Variants in GLI3 observed in about 807,000 individuals in gnomAD.
GLI3 encodes GLI family zinc finger 3, also known as transcription activator GLI3.
GLI3 carries 20 observed loss-of-function variants against 100.8 expected under a neutral mutation model. The ratio of observed to expected loss-of-function variants is 0.20; its 90% confidence interval spans 0.14 to 0.29. GLI3 has a LOEUF of 0.29. Ranked by LOEUF, GLI3 falls within the 10% of genes least tolerant of loss-of-function variation. The probability of loss-of-function intolerance (pLI) is 1.00; values close to 1 mark genes in which losing one functional copy is unlikely to be tolerated. For missense variants in GLI3, 2,040 were observed against 2,128.5 expected, an observed-to-expected ratio of 0.96 and a Z score of 0.82; for synonymous variants, 938 against 860.5, an observed-to-expected ratio of 1.09 and a Z score of -1.58.
chr7:42,087,779 C>T (rs1018639370), intron 3 of GLI3, among the ~76,000 whole-genome samples: 5 of 151,038 alleles, frequency 3.3e-5, no homozygotes, highest in Non-Finnish European at 5.9e-5. Context: ...ATTATTGTTA[C>T]GCTTTGGAAT....
rs113898315 is a variant in GLI3, at chr7:42,023,903, T to TA, written c.1357-296dup. On this transcript the variant is annotated intron_variant, in intron 9 of 14. Transcript: ENST00000395925. ...GCTGAAAATAAACCCAAATGTCATCTAAAAAAAAACCCAAAACAAAACGTA... is the reference window on the plus strand; with the variant it reads ...GCTGAAAATAAACCCAAATGTCATCTAAAAAAAAAACCCAAAACAAAACGTA... Among the ~76,000 whole-genome samples, 699 of 150,938 alleles carry TA rather than the reference T, an allele frequency of 4.6e-3. 4 individuals carry two copies. Among genetic ancestry groups the TA allele is most frequent in the Non-Finnish European group, 7.9e-3 (534 of 67,664 alleles).
chr7:42,246,805 C>CTATTTTT (rs1332970657), intron 1 of GLI3, among the ~76,000 whole-genome samples: 3 of 94,996 alleles, frequency 3.2e-5, no homozygotes, highest in African/African-American at 8.7e-5. Flanking sequence ...ATGATAGAAT[C>CTATTTTT]TTTTTTTTTT....
At position 41,972,383 on chromosome 7, in the gene GLI3, C is replaced by T. The variant is rs762948718; in HGVS notation, c.2057G>A (p.Arg686Gln). The T allele has an allele frequency of 1.9e-5, 31 of 1,613,904 alleles. No individual in the cohort carries two copies. Among genetic ancestry groups the T allele is most frequent in the East Asian group, 4.5e-5 (2 of 44,864 alleles). ...QQDLSNTTSK[R>Q]EECLQVKTVK... is the part of the protein sequence containing the mutation. ...GGTTTTCACCTGGAGGCATTCTTCC[C>T]GCTTTGAGGTAGTGTTGCTGAGGTC... Residue 686 changes from arginine to glutamine, a missense_variant, in exon 13 of 15, where the codon CGG becomes CAG. Around this residue, in one of 5 missense-constraint regions of GLI3, gnomAD observed 327 missense variants for 338.7 expected, o/e 0.97. Transcript: ENST00000395925. This position sits in a 1 kb window ranked among gnomAD's most constrained non-coding sequence, Gnocchi z 4.4.
In GLI3 at chr7:42,003,247, A is replaced by C. The variant is rs1459380066; in HGVS notation, c.1497+20221T>G. On this transcript the variant is annotated intron_variant, in intron 10 of 14. Coordinates refer to ENST00000395925, the MANE Select transcript of GLI3 (RefSeq NM_000168.6). The stretch of plus-strand genomic sequence containing the variant: ...AAAGGTAAATTAAAGTGAATGTTAT[A>C]ATCTCGAAGTGCATGTATTATTTAA... 2.0e-5 allele frequency among the ~76,000 whole-genome samples: 3 copies of C among 152,222 alleles called. No homozygotes were observed. In the East Asian group the frequency reaches 5.8e-4, roughly 29 times the overall value.
chr7:42,028,461 C>T (rs1490619074), intron 7 of GLI3, among the ~76,000 whole-genome samples: 2 of 152,236 alleles, frequency 1.3e-5, no homozygotes, highest in East Asian at 3.9e-4. Context: ...AAGGGAAGTG[C>T]ATTTTAAAAA....
At chr7:42,039,912 G>A (rs1166233411) in intron 7 of GLI3, 126 bp downstream of exon 7, 11 of 761,792 alleles carry the variant, frequency 1.4e-5, no homozygotes, top group Non-Finnish European at 2.6e-5. Flanking sequence ...TCTTGGTATA[G>A]GCACAGCATC....
chr7:42,246,185 A>G (rs966214195), intron 1 of GLI3, among the ~76,000 whole-genome samples: 1 of 152,200 alleles, frequency 6.6e-6, no homozygotes, highest in Non-Finnish European at 1.5e-5. Flanking sequence ...ACACGATAAC[A>G]TGCTGCTGTG....
At chr7:42,229,503 G>T (rs1340824158) in intron 1 of GLI3, among the ~76,000 whole-genome samples, 1 of 152,188 alleles carries the variant, frequency 6.6e-6, no homozygotes, top group East Asian at 1.9e-4. Flanking sequence ...ATTTACACCT[G>T]CCTGTATTTT....
Position 42,025,290 on chromosome 7 carries a change from G to T in GLI3, c.1330C>A (p.Pro444Thr), listed in dbSNP as rs1162546619. Reference protein sequence around the residue: ...RSKIKPDEDLPSPGARGQQEQ... With the variant: ...RSKIKPDEDLTSPGARGQQEQ... ...TGCTGCCCCCGAGCCCCTGGGCTGGGGAGGTCTTCATCGGGTTTGATCTTG... is the reference window on the plus strand; with the variant it reads ...TGCTGCCCCCGAGCCCCTGGGCTGGTGAGGTCTTCATCGGGTTTGATCTTG... The change falls in exon 9 of 15, where the codon CCC becomes ACC. Residue 444 changes from proline (P) to threonine (T), a missense_variant. By Grantham distance (38) the Pro-to-Thr change is conservative. Coordinates refer to ENST00000395925, the MANE Select transcript of GLI3 (RefSeq NM_000168.6). 7 of 1,613,768 alleles carry T rather than the reference G, an allele frequency of 4.3e-6. No individual in the cohort carries two copies. The highest frequency in any genetic ancestry group is 5.9e-6 in the Non-Finnish European group (7 of 1,179,672).
chr7:42,175,609 C>G (rs951802392), intron 2 of GLI3, among the ~76,000 whole-genome samples: 1 of 145,144 alleles, frequency 6.9e-6, no homozygotes, highest in African/African-American at 2.8e-5. Flanking sequence ...CAGAGTGAGA[C>G]TCTGTCTCCA....
chr7:42,128,070 G>A (rs899334491), intron 3 of GLI3, among the ~76,000 whole-genome samples: 3 of 150,598 alleles, frequency 2.0e-5, no homozygotes, highest in African/African-American at 2.4e-5. Context: ...TTAAAACAGG[G>A]TGCCAATCAA....
intron 5 of GLI3, 88 bp from the exon 6 acceptor site, chr7:42,045,618 C>A (rs572127208): frequency 1.2e-4 from 139 of 1,173,114 alleles, no homozygotes; most frequent in Non-Finnish European, 1.7e-4. Flanking sequence ...CATTACACAA[C>A]CCACATCAGC....
chr7:42,188,852 C>A (rs987123210), intron 2 of GLI3, among the ~76,000 whole-genome samples: 2 of 152,164 alleles, frequency 1.3e-5, no homozygotes, highest in Non-Finnish European at 2.9e-5. Context: ...AAGGGAAGAA[C>A]TGGTAGAGCA....
At chr7:42,141,585 T>G (rs1786568997) in intron 3 of GLI3, among the ~76,000 whole-genome samples, 1 of 152,070 alleles carries the variant, frequency 6.6e-6, no homozygotes, top group African/African-American at 2.4e-5. Flanking sequence ...GGCAGGAGAA[T>G]GGGTTGAACC....
rs1787192465 is a variant in GLI3 at position 41,966,629 on chromosome 7, T to C, written c.2444A>G (p.Asn815Ser). 2 of 1,614,062 alleles carry C rather than the reference T, an allele frequency of 1.2e-6. No individual in the cohort carries two copies. Among genetic ancestry groups the C allele is most frequent in the Non-Finnish European group, 1.7e-6 (2 of 1,179,996 alleles). The stretch of plus-strand genomic sequence containing the variant: ...GGGCCCACCCAAGCTGCAGGTGTTG[T>C]TGGACTGTGTGCCTGGAGACAGAGA... ...SPLIGNGTQS[N>S]NTCSLGGPMT... Residue 815 changes from asparagine to serine, a missense_variant, in exon 15 of 15, where the codon AAC becomes AGC. Asn to Ser is a conservative substitution (Grantham distance 46). This residue lies in a region of GLI3 where 327 missense variants were observed against 338.7 expected (regional missense o/e 0.97). Coordinates refer to ENST00000395925, the MANE Select transcript of GLI3 (RefSeq NM_000168.6). This position sits in a 1 kb window ranked among gnomAD's most constrained non-coding sequence, Gnocchi z 5.8.
At chr7:42,178,313 A>C (rs1787521406) in intron 2 of GLI3, among the ~76,000 whole-genome samples, 1 of 152,234 alleles carries the variant, frequency 6.6e-6, no homozygotes, top group Admixed American at 6.5e-5. Flanking sequence ...TCAGTAAGGC[A>C]AACTGCAGGC....
Position 41,989,615 on chromosome 7 carries a change from T to A in GLI3, c.1498-10867A>T, listed in dbSNP as rs114612435. ...TAAGGATTTCAGAAGCCAGATTGTATCCCAGAACATTAAAATTCCCTCACC... is the reference window on the plus strand; with the variant it reads ...TAAGGATTTCAGAAGCCAGATTGTAACCCAGAACATTAAAATTCCCTCACC... On this transcript the variant is annotated intron_variant, in intron 10 of 14. Coordinates refer to ENST00000395925, the MANE Select transcript of GLI3 (RefSeq NM_000168.6). Among the ~76,000 whole-genome samples, 1,515 of 152,280 alleles carry A rather than the reference T, an allele frequency of 9.9e-3. 29 individuals carry two copies. Among genetic ancestry groups the A allele is most frequent in the African/African-American group, 0.035 (1,441 of 41,538 alleles).
chr7:42,120,590 C>A (rs1785972861), intron 3 of GLI3, among the ~76,000 whole-genome samples: 1 of 152,204 alleles, frequency 6.6e-6, no homozygotes, highest in Non-Finnish European at 1.5e-5. Context: ...TACCCCCTCT[C>A]CTTGATGTCT....
chr7:42,022,779 G>C (rs1327957809), intron 10 of GLI3, among the ~76,000 whole-genome samples: 1 of 152,208 alleles, frequency 6.6e-6, no homozygotes, highest in Non-Finnish European at 1.5e-5. Flanking sequence ...ATGGGGTGGG[G>C]AGAAGGCTTT....
Sources: gnomAD v4.1 joint callset for allele counts (sites outside exome capture counted in the v4.1 genomes callset) on GRCh38, gnomAD v4.1.1 for gene constraint, gnomAD v4.1.1 regional missense constraint, Gnocchi (gnomAD v3.1) non-coding constraint, MANE v1.5 for transcripts, NCBI Gene and HGNC (gene_info 2026-07-23, HGNC 2026-07-21) for gene names.